FBLN7: variants seen among roughly 807,000 people sequenced by gnomAD.
FBLN7 encodes the protein fibulin 7.
Under a neutral mutation model 44.0 loss-of-function variants are expected in FBLN7, and 31 were observed. The ratio of observed to expected loss-of-function variants is 0.70; its 90% CI spans 0.53 to 0.95. FBLN7 has a LOEUF of 0.95. Ranked by LOEUF, FBLN7 falls within the 40% of genes least tolerant of loss-of-function variation. FBLN7 has a pLI of 0.00. For missense variants in FBLN7, 573 were observed against 618.5 expected (o/e 0.93, Z 0.78); for synonymous variants, 262 against 253.4 (o/e 1.03, Z -0.32).
the FBLN7 span, among the ~76,000 whole-genome samples, chr2:112,227,201 A>G: frequency 6.6e-6 from 1 of 152,260 alleles, no homozygotes; most frequent in Non-Finnish European, 1.5e-5. Flanking sequence ...AATCAGGCAC[A>G]AAAGAAATAA....
chr2:112,159,614 G>T, intron 1 of FBLN7, 62 bp from the exon 2 acceptor site: 1 of 1,421,198 alleles, frequency 7.0e-7, no homozygotes, highest in South Asian at 1.6e-5. Flanking sequence ...CGGAAGCTCA[G>T]ACAAGCATGT....
the FBLN7 span, among the ~76,000 whole-genome samples, chr2:112,222,404 T>C: frequency 6.6e-6 from 1 of 152,078 alleles, no homozygotes; most frequent in Non-Finnish European, 1.5e-5. Context: ...AGGGTGGAGT[T>C]GCCTGCCCTG....
chr2:112,185,802 C>T (rs1239882678), intron 7 of FBLN7, among the ~76,000 whole-genome samples: 2 of 151,976 alleles, frequency 1.3e-5, no homozygotes, highest in Admixed American at 1.3e-4. Flanking sequence ...TTATATCACT[C>T]TGCTTTTCCA....
chr2:112,197,742 G>A, the FBLN7 span, among the ~76,000 whole-genome samples: 24 of 152,360 alleles, frequency 1.6e-4, no homozygotes, highest in South Asian at 1.0e-3. Flanking sequence ...GGAGCAAGAT[G>A]ATGACTTTAT....
chr2:112,161,192 A>G (rs185956673), intron 2 of FBLN7, among the ~76,000 whole-genome samples: 4 of 152,240 alleles, frequency 2.6e-5, no homozygotes, highest in African/African-American at 9.6e-5. Flanking sequence ...GCCAGTCATC[A>G]TGTTCATTCA....
At chr2:112,224,533 T>C in the FBLN7 span, among the ~76,000 whole-genome samples, 3 of 152,216 alleles carry the variant, frequency 2.0e-5, no homozygotes, top group African/African-American at 7.2e-5. Context: ...TCAAATTACA[T>C]TGCCTCAAAG....
At chr2:112,174,633 T>A (rs1186350577) in intron 3 of FBLN7, among the ~76,000 whole-genome samples, 1 of 152,242 alleles carries the variant, frequency 6.6e-6, no homozygotes, top group Non-Finnish European at 1.5e-5. Flanking sequence ...ATGGCCTATT[T>A]CTGTGCACTA....
chr2:112,210,265 G>A, the FBLN7 span, among the ~76,000 whole-genome samples: 4 of 152,060 alleles, frequency 2.6e-5, no homozygotes, highest in African/African-American at 9.7e-5. Flanking sequence ...GTAGGTAGCT[G>A]CAGTGGCGAT....
chr2:112,241,017 G>A, the FBLN7 span, among the ~76,000 whole-genome samples: 1 of 151,384 alleles, frequency 6.6e-6, no homozygotes, highest in Non-Finnish European at 1.5e-5. Flanking sequence ...TTTTGTGTGT[G>A]TGTGTGTGTG....
At chr2:112,234,074 G>A in the FBLN7 span, 3 of 1,074,468 alleles carry the variant, frequency 2.8e-6, no homozygotes, top group Admixed American at 2.7e-5. Context: ...CAAACAGAAA[G>A]AGCAGTTTTA....
chr2:112,147,192 G>C lies in FBLN7; in HGVS notation c.75+8462G>C, dbSNP rs116884841. The stretch of plus-strand genomic sequence containing the variant: ...ATGTGGGCCTGGAGACTTCTGGAAA[G>C]TTTTAACTATGAATTCAATTTCTTA... On this transcript the variant is annotated intron_variant, in intron 1 of 7. Coordinates refer to ENST00000331203, the MANE Select transcript of FBLN7 (RefSeq NM_153214.3). Among the ~76,000 whole-genome samples, 10 of 152,272 alleles carry C rather than the reference G, an allele frequency of 6.6e-5. No homozygotes were observed. In the East Asian group the frequency reaches 1.2e-3, roughly 18 times the overall value.
At chr2:112,203,514 A>C in the FBLN7 span, among the ~76,000 whole-genome samples, 1 of 152,222 alleles carries the variant, frequency 6.6e-6, no homozygotes, top group Non-Finnish European at 1.5e-5. Flanking sequence ...TATGATTTAC[A>C]AAGTTGACAA....
the FBLN7 span, chr2:112,231,851 T>A: frequency 6.3e-7 from 1 of 1,580,768 alleles, no homozygotes; most frequent in Non-Finnish European, 8.6e-7. Context: ...AGCCAACAAT[T>A]CTTGTGTTTC....
chr2:112,147,361 A>G (rs1680943862), intron 1 of FBLN7, among the ~76,000 whole-genome samples: 1 of 152,202 alleles, frequency 6.6e-6, no homozygotes, highest in Non-Finnish European at 1.5e-5. Flanking sequence ...ATTTCTACAC[A>G]ATTGATCTCC....
chr2:112,174,972 A>G (rs1449654154), intron 3 of FBLN7, among the ~76,000 whole-genome samples: 1 of 152,160 alleles, frequency 6.6e-6, no homozygotes, highest in East Asian at 1.9e-4. Flanking sequence ...ACAAAAAATT[A>G]TAAACTAGCA....
In FBLN7 at chr2:112,185,232, G is replaced by A; in HGVS notation, c.840G>A (p.Val280=). 1 of 1,613,834 alleles carries A rather than the reference G, an allele frequency of 6.2e-7. No homozygotes were observed. Among genetic ancestry groups the A allele is most frequent in the Non-Finnish European group, 8.5e-7 (1 of 1,179,782 alleles). ...ATGAATGTGTGGGCCTGCAGCCGGTGTGCCCCCAGGGGACCACATGCATCA... is the reference window on the plus strand; with the variant it reads ...ATGAATGTGTGGGCCTGCAGCCGGTATGCCCCCAGGGGACCACATGCATCA... The part of the protein sequence containing the change: ...DVDECVGLQP[V]CPQGTTCINT... The change falls in exon 7 of 8, where the codon GTG becomes GTA. Residue 280 remains valine (V), a synonymous_variant. Coordinates refer to ENST00000331203, the MANE Select transcript of FBLN7 (RefSeq NM_153214.3).
chr2:112,238,586 C>T, the FBLN7 span: 1 of 1,428,554 alleles, frequency 7.0e-7, no homozygotes, highest in Non-Finnish European at 9.5e-7. Flanking sequence ...AACAATCTGG[C>T]TATACAGAAG....
chr2:112,231,663 A>G, the FBLN7 span, among the ~76,000 whole-genome samples: 1 of 152,228 alleles, frequency 6.6e-6, no homozygotes, highest in Non-Finnish European at 1.5e-5. Flanking sequence ...TTCAGCTACA[A>G]GGAAACATAT....
At chr2:112,175,986 C>T (rs1392351263) in intron 4 of FBLN7, 147 bp downstream of exon 4, 4 of 1,025,178 alleles carry the variant, frequency 3.9e-6, no homozygotes, top group Middle Eastern at 3.2e-4. Flanking sequence ...ATCCACCGAT[C>T]CCTCTGGTTT....
Sources: allele counts gnomAD v4.1 joint callset (sites outside exome capture counted in the v4.1 genomes callset), GRCh38; gene constraint gnomAD v4.1.1; transcripts MANE v1.5; gene names NCBI Gene and HGNC (gene_info 2026-07-23, HGNC 2026-07-21).